LARGE1: variants seen among roughly 807,000 people sequenced by gnomAD.
The protein encoded by LARGE1 is LARGE xylosyl- and glucuronyltransferase 1.
LARGE1 carries 43 observed loss-of-function variants against 87.6 expected under a neutral mutation model. The observed-to-expected ratio is 0.49, with a 90% CI of 0.38 to 0.63. LARGE1 has a LOEUF of 0.63. Among genes scored for constraint, LARGE1 ranks in the 30% least tolerant of loss-of-function variants. The pLI is 0.00. For synonymous variants in LARGE1, 434 were observed against 394.6 expected (o/e 1.10, Z -1.18); for missense variants, 802 against 1,000.2 (o/e 0.80, Z 2.67).
At chr22:33,328,656 G>T (rs942430499) in intron 10 of LARGE1, among the ~76,000 whole-genome samples, 13 of 151,890 alleles carry the variant, frequency 8.6e-5, no homozygotes, top group Non-Finnish European at 1.8e-4. Context: ...GAACTACCTT[G>T]AAGGGTTAGT....
chr22:33,100,373 TA>T, the LARGE1 span, among the ~76,000 whole-genome samples: 1 of 120,792 alleles, frequency 8.3e-6, no homozygotes, highest in African/African-American at 2.9e-5. Context: ...AAAAAAAAAG[TA>T]AAAAATTAAA....
intron 4 of LARGE1, among the ~76,000 whole-genome samples, chr22:33,609,473 G>C (rs140860909): frequency 8.3e-4 from 126 of 152,292 alleles, no homozygotes; most frequent in Non-Finnish European, 1.4e-3. Flanking sequence ...GAAGAATCTG[G>C]GAGGTTTCCA....
chr22:33,253,908 G>T lies in LARGE1; in HGVS notation c.1730+50321C>A, dbSNP rs201119500. ...CCCAATTTTCATTCTTTCCTTCTTG[G>T]TTTTTTTTTTTTTTTAGTAAAAGAA... is the stretch of plus-strand genomic sequence containing the variant. On this transcript the variant is annotated intron_variant, in intron 11 of 11. Coordinates refer to the LARGE1 transcript ENST00000608642. Among the ~76,000 whole-genome samples, 226 of 143,232 alleles carry T rather than the reference G, an allele frequency of 1.6e-3. 5 individuals carry two copies. The East Asian group carries it at 0.034, about 22-fold the overall frequency. 94.0% of individuals were successfully genotyped at this position (143,232 alleles called of 152,430 possible).
At chr22:33,411,672 T>C (rs1248755252) in intron 7 of LARGE1, among the ~76,000 whole-genome samples, 1 of 151,936 alleles carries the variant, frequency 6.6e-6, no homozygotes, top group Non-Finnish European at 1.5e-5. Flanking sequence ...CAAACAAACA[T>C]GGGTAATGAG....
Position 33,273,595 on chromosome 22 carries a change from C to T in LARGE1, c.*832G>A. ...TCCCCATCGCTATAGCCCCTGGATT[C>T]TGGAGAGTAGGGAGTTCAAAGTCAC... On this transcript the variant is annotated 3_prime_UTR_variant, in exon 15 of 15. Transcript: ENST00000397394. 1 of 398,786 alleles carries T rather than the reference C, an allele frequency of 2.5e-6. No homozygotes were observed. Among genetic ancestry groups the T allele is most frequent in the South Asian group, 1.3e-4 (1 of 7,852 alleles). The allele number at this position is 398,786 out of a possible 1,614,324, so 24.7% of individuals were successfully genotyped here.
chr22:33,850,747 A>G (rs1411414637), intron 1 of LARGE1, among the ~76,000 whole-genome samples: 3 of 152,108 alleles, frequency 2.0e-5, no homozygotes, highest in Non-Finnish European at 4.4e-5. Flanking sequence ...GGAGGGGGAT[A>G]GGGCGGAGGG....
At chr22:33,842,783 A>T (rs2063316459) in intron 1 of LARGE1, among the ~76,000 whole-genome samples, 2 of 152,082 alleles carry the variant, frequency 1.3e-5, no homozygotes, top group South Asian at 2.1e-4. Flanking sequence ...TTTCATTTCA[A>T]CTCATTTAAA....
At chr22:33,404,053 A>G (rs1443747127) in intron 7 of LARGE1, among the ~76,000 whole-genome samples, 1 of 152,228 alleles carries the variant, frequency 6.6e-6, no homozygotes, top group Non-Finnish European at 1.5e-5. Flanking sequence ...CCTATGTGCT[A>G]ACAGAAGAGG....
At chr22:33,606,592 G>GTGC (rs1294752394) in intron 4 of LARGE1, among the ~76,000 whole-genome samples, 2 of 151,634 alleles carry the variant, frequency 1.3e-5, no homozygotes, top group East Asian at 3.9e-4. Context: ...CCCCTACCCC[G>GTGC]TGCTCTCTCT....
chr22:33,708,507 AAT>A (rs1638405344), intron 2 of LARGE1, among the ~76,000 whole-genome samples: 3 of 152,184 alleles, frequency 2.0e-5, no homozygotes, highest in Non-Finnish European at 4.4e-5. Flanking sequence ...GCCCTAACAG[AAT>A]ACCAGACTAT....
intron 2 of LARGE1, chr22:33,733,191 C>T (rs1452187608): frequency 6.6e-6 from 1 of 152,226 alleles, no homozygotes; most frequent in African/African-American, 2.4e-5. Context: ...AAGGCCGGCT[C>T]TCAGATTTTA....
chr22:33,318,839 T>A (rs1329818614), intron 10 of LARGE1, among the ~76,000 whole-genome samples: 1 of 152,012 alleles, frequency 6.6e-6, no homozygotes, highest in Non-Finnish European at 1.5e-5. Flanking sequence ...CACGATAGAA[T>A]ACAGACAAAA....
At position 33,697,198 on chromosome 22, in the gene LARGE1, T is replaced by C. The variant is rs552081270; in HGVS notation, c.107-46530A>G. Among the ~76,000 whole-genome samples, 97 of 152,242 alleles carry C rather than the reference T, an allele frequency of 6.4e-4. 1 individual carries two copies. Among genetic ancestry groups the C allele is most frequent in the African/African-American group, 2.1e-3 (88 of 41,534 alleles). On this transcript the variant is annotated intron_variant, in intron 2 of 14. Transcript: ENST00000397394. ...ATTTTCTTTTTGAGGCAGCTGTCGT[T>C]AGAGCTCTGAGTCCAGTCCCAAACT...
intron 6 of LARGE1, among the ~76,000 whole-genome samples, chr22:33,549,837 A>T (rs1029601127): frequency 3.3e-5 from 5 of 152,104 alleles, no homozygotes; most frequent in Non-Finnish European, 7.4e-5. Flanking sequence ...AACATGCAGT[A>T]TTTGGTTTTC....
chr22:33,794,494 G>A (rs2085920950), intron 1 of LARGE1, among the ~76,000 whole-genome samples: 1 of 152,226 alleles, frequency 6.6e-6, no homozygotes, highest in Non-Finnish European at 1.5e-5. Context: ...TCTTCAGACA[G>A]ACCAGAGTTC....
chr22:33,209,398 T>C lies in LARGE1; in HGVS notation c.1731-42566A>G, dbSNP rs141524279. 1.2e-3 allele frequency among the ~76,000 whole-genome samples: 178 copies of C among 152,276 alleles called. 4 individuals are homozygous for C. The East Asian group carries it at 0.027, about 23-fold the overall frequency. On this transcript the variant is annotated intron_variant, in intron 11 of 11. Coordinates refer to the LARGE1 transcript ENST00000608642. ...AGTATATTATGAGACTCACACAGGGTGCCACATAAAATGTATGTTTGTTAG... is the reference window on the plus strand; with the variant it reads ...AGTATATTATGAGACTCACACAGGGCGCCACATAAAATGTATGTTTGTTAG...
chr22:33,686,616 C>T (rs914580380), intron 2 of LARGE1, among the ~76,000 whole-genome samples: 8 of 151,758 alleles, frequency 5.3e-5, no homozygotes, highest in African/African-American at 1.9e-4. Flanking sequence ...TCACAACATA[C>T]CCCCAAATCC....
At chr22:33,741,077 G>GT in intron 2 of LARGE1, among the ~76,000 whole-genome samples, 1 of 152,366 alleles carries the variant, frequency 6.6e-6, no homozygotes, top group East Asian at 1.9e-4. Context: ...AAGGCTACTA[G>GT]TTTGGGATTC....
At chr22:33,656,394 G>A (rs900105815) in intron 2 of LARGE1, among the ~76,000 whole-genome samples, 4 of 152,058 alleles carry the variant, frequency 2.6e-5, no homozygotes, top group African/African-American at 7.2e-5. Context: ...TGAGGGAACC[G>A]CCCCCATGAT....
Sources: allele counts gnomAD v4.1 joint callset (sites outside exome capture counted in the v4.1 genomes callset), GRCh38; gene constraint gnomAD v4.1.1; transcripts MANE v1.5; gene names NCBI Gene and HGNC (gene_info 2026-07-23, HGNC 2026-07-21).